The following UBE2H variants were observed in gnomAD, a reference collection of about 807,000 sequenced individuals.
UBE2H encodes ubiquitin-conjugating enzyme E2 H.
UBE2H carries 3 observed loss-of-function variants against 29.0 expected under a neutral mutation model. The ratio of observed to expected loss-of-function variants is 0.10; its 90% CI spans 0.05 to 0.27. UBE2H has a LOEUF of 0.27. Ranked by LOEUF, UBE2H falls within the 10% of genes least tolerant of loss-of-function variation. The pLI, the probability that UBE2H is intolerant of heterozygous loss-of-function variation, is 1.00. For missense variants in UBE2H, 68 were observed against 228.2 expected (o/e 0.30, Z 4.52); for synonymous variants, 69 against 82.9 (o/e 0.83, Z 0.91).
chr7:129,857,655 C>T (rs1351991817), intron 4 of UBE2H, 92 bp from the exon 5 acceptor site: 12 of 1,327,216 alleles, frequency 9.0e-6, no homozygotes, highest in Non-Finnish European at 3.2e-6. Context: ...AAGAGAAATA[C>T]TTCTAATAGA....
intron 1 of UBE2H, among the ~76,000 whole-genome samples, 194 bp downstream of exon 1, chr7:129,952,309 C>A (rs1807893789): frequency 6.6e-6 from 1 of 151,784 alleles, no homozygotes; most frequent in South Asian, 2.1e-4. Flanking sequence ...CGGGGTGCTG[C>A]GGAGAAAAGG....
chr7:129,867,930 T>C (rs1480146425), intron 3 of UBE2H, among the ~76,000 whole-genome samples: 1 of 152,124 alleles, frequency 6.6e-6, no homozygotes, highest in African/African-American at 2.4e-5. Context: ...TCAGGCAAAT[T>C]GGATGTCATA....
At chr7:129,891,723 A>AC (rs1339856321) in intron 1 of UBE2H, among the ~76,000 whole-genome samples, 1 of 151,766 alleles carries the variant, frequency 6.6e-6, no homozygotes, top group Non-Finnish European at 1.5e-5. Context: ...AACTGCTTGA[A>AC]CAGGGAGGCA....
chr7:129,873,026 T>G (rs951509073), intron 3 of UBE2H, among the ~76,000 whole-genome samples: 7 of 151,324 alleles, frequency 4.6e-5, no homozygotes, highest in African/African-American at 1.7e-4. Context: ...CAGAGTTTTT[T>G]TTTTTTTTTT....
chr7:129,949,706 T>C (rs576060001), intron 1 of UBE2H, among the ~76,000 whole-genome samples: 2 of 151,790 alleles, frequency 1.3e-5, no homozygotes, highest in South Asian at 4.2e-4. Context: ...CCGAGCGAGG[T>C]GGTGGAAGGC....
intron 1 of UBE2H, among the ~76,000 whole-genome samples, chr7:129,945,726 G>T (rs184062065): frequency 6.6e-6 from 1 of 152,092 alleles, no homozygotes; most frequent in Non-Finnish European, 1.5e-5. Flanking sequence ...GCCATGGGAT[G>T]GCATATTACA....
chr7:129,904,808 A>G (rs1006105650), intron 1 of UBE2H, among the ~76,000 whole-genome samples: 24 of 152,192 alleles, frequency 1.6e-4, no homozygotes, highest in South Asian at 1.0e-3. Flanking sequence ...CAATCAATAA[A>G]CTACCAAAGA....
intron 5 of UBE2H, among the ~76,000 whole-genome samples, chr7:129,846,332 A>C (rs944524445): frequency 1.3e-5 from 2 of 150,356 alleles, no homozygotes; most frequent in African/African-American, 5.0e-5. Flanking sequence ...ACATAGGGAG[A>C]TCCGGTCTCT....
intron 3 of UBE2H, among the ~76,000 whole-genome samples, chr7:129,871,972 G>A (rs1348578072): frequency 2.6e-5 from 4 of 151,972 alleles, no homozygotes; most frequent in Non-Finnish European, 2.9e-5. Context: ...TCCGTCTCTC[G>A]AGTAGCTGGG....
chr7:129,878,564 T>C (rs1563031541), intron 3 of UBE2H, among the ~76,000 whole-genome samples: 1 of 151,490 alleles, frequency 6.6e-6, no homozygotes, highest in Non-Finnish European at 1.5e-5. Flanking sequence ...GCACCTGTAG[T>C]GCCAGCTACT....
chr7:129,890,125 C>T (rs116920985), intron 1 of UBE2H, among the ~76,000 whole-genome samples: 9,672 of 151,784 alleles, frequency 0.064, 368 homozygotes, highest in Non-Finnish European at 0.092. Flanking sequence ...AAACATAGAC[C>T]CTGTAGCTTA....
At chr7:129,866,561 A>C (rs1805908032) in intron 3 of UBE2H, among the ~76,000 whole-genome samples, 1 of 152,220 alleles carries the variant, frequency 6.6e-6, no homozygotes, top group South Asian at 2.1e-4. Context: ...ACTTGAACTC[A>C]CAAGACCCAA....
intron 1 of UBE2H, among the ~76,000 whole-genome samples, chr7:129,931,121 G>A (rs1264832549): frequency 2.0e-5 from 3 of 151,944 alleles, no homozygotes; most frequent in African/African-American, 7.3e-5. Flanking sequence ...GGGAGGCTGA[G>A]GCAGGAGAAT....
chr7:129,909,978 G>A (rs139092301), intron 1 of UBE2H, among the ~76,000 whole-genome samples: 26 of 152,050 alleles, frequency 1.7e-4, no homozygotes, highest in Admixed American at 1.3e-4. Context: ...AAATATAGAG[G>A]GGGGGTGATT....
chr7:129,902,547 T>C (rs901797482), intron 1 of UBE2H, among the ~76,000 whole-genome samples: 1 of 152,174 alleles, frequency 6.6e-6, no homozygotes, highest in Non-Finnish European at 1.5e-5. Flanking sequence ...GGAGGCTCCA[T>C]GGGACGGGGG....
intron 1 of UBE2H, among the ~76,000 whole-genome samples, chr7:129,889,776 G>A (rs957377753): frequency 5.3e-5 from 8 of 152,120 alleles, no homozygotes; most frequent in African/African-American, 1.9e-4. Context: ...TTGAGGCCAG[G>A]AGTCCGAGAC....
intron 1 of UBE2H, among the ~76,000 whole-genome samples, chr7:129,914,270 C>T (rs1252604233): frequency 5.3e-5 from 8 of 151,982 alleles, no homozygotes; most frequent in Admixed American, 2.6e-4. Flanking sequence ...CAGGTTCAAG[C>T]GATTCTCCTG....
intron 1 of UBE2H, among the ~76,000 whole-genome samples, chr7:129,898,640 CT>C (rs1806646307): frequency 6.6e-6 from 1 of 152,132 alleles, no homozygotes; most frequent in African/African-American, 2.4e-5. Context: ...GAGTTTCCTT[CT>C]CTCGTGTTTG....
At chr7:129,929,903 G>A (rs946189913) in intron 1 of UBE2H, among the ~76,000 whole-genome samples, 9 of 152,110 alleles carry the variant, frequency 5.9e-5, no homozygotes, top group African/African-American at 2.2e-4. Flanking sequence ...CCAGCTACTT[G>A]AGAGGCTGAG....
Sources: allele counts gnomAD v4.1 joint callset (sites outside exome capture counted in the v4.1 genomes callset), GRCh38; gene constraint gnomAD v4.1.1; transcripts MANE v1.5; gene names NCBI Gene and HGNC (gene_info 2026-07-23, HGNC 2026-07-21).